The following ELAPOR2 variants were observed in gnomAD, a reference collection of about 807,000 sequenced individuals.
The protein encoded by ELAPOR2 is endosome/lysosome-associated apoptosis and autophagy regulator family member 2.
In ELAPOR2, 89 loss-of-function variants were observed where a neutral mutation model predicts 120.7. That is an observed-to-expected ratio of 0.74 (90% CI 0.62 to 0.88). The LOEUF is 0.88. ELAPOR2 is among the 40% of genes least tolerant of loss of function. The probability of loss-of-function intolerance (pLI) is 0.00; values close to 1 mark genes in which losing one functional copy is unlikely to be tolerated. For synonymous variants in ELAPOR2, 444 were observed against 444.9 expected (o/e 1.00, Z 0.03); for missense variants, 1,134 against 1,251.6 (o/e 0.91, Z 1.42).
chr7:86,924,057 T>C (rs969692927), intron 10 of ELAPOR2, among the ~76,000 whole-genome samples: 3 of 151,980 alleles, frequency 2.0e-5, no homozygotes, highest in Admixed American at 6.6e-5. Flanking sequence ...TGCCTCTCCA[T>C]TTCACCCTCG....
intron 1 of ELAPOR2, among the ~76,000 whole-genome samples, chr7:86,975,279 T>C (rs985446723): frequency 6.6e-6 from 1 of 152,168 alleles, no homozygotes; most frequent in Non-Finnish European, 1.5e-5. Flanking sequence ...CTTTACTTTG[T>C]ACAGAAATAG....
intron 13 of ELAPOR2, among the ~76,000 whole-genome samples, chr7:86,913,571 A>C (rs1333744730): frequency 6.6e-6 from 1 of 152,190 alleles, no homozygotes; most frequent in Non-Finnish European, 1.5e-5. Context: ...GCCTAAATCA[A>C]ATGATACAAT....
chr7:86,972,506 C>G (rs867459838), intron 1 of ELAPOR2, among the ~76,000 whole-genome samples: 1 of 151,046 alleles, frequency 6.6e-6, no homozygotes, highest in Non-Finnish European at 1.5e-5. Flanking sequence ...TTCCCTTCCA[C>G]ATCATGACAA....
chr7:86,971,536 C>T (rs927423875), intron 1 of ELAPOR2, among the ~76,000 whole-genome samples: 2 of 152,182 alleles, frequency 1.3e-5, no homozygotes, highest in Non-Finnish European at 1.5e-5. Context: ...ATAAGACAGA[C>T]TTCAAGCACA....
chr7:86,984,230 A>C (rs1792624406), intron 1 of ELAPOR2, among the ~76,000 whole-genome samples: 1 of 152,172 alleles, frequency 6.6e-6, no homozygotes, highest in Non-Finnish European at 1.5e-5. Flanking sequence ...CCCACACAAT[A>C]ATAATGGGAG....
intron 1 of ELAPOR2, among the ~76,000 whole-genome samples, chr7:87,042,826 G>A (rs1794827612): frequency 6.6e-6 from 1 of 152,086 alleles, no homozygotes; most frequent in African/African-American, 2.4e-5. Flanking sequence ...CCAGGAGCTG[G>A]TTTTTTGAAA....
rs537257640 is a variant in ELAPOR2 at position 86,877,085 on chromosome 7, T to A, written c.*3386A>T. On this transcript the variant is annotated 3_prime_UTR_variant, in exon 22 of 22. Coordinates refer to ENST00000450689, the MANE Select transcript of ELAPOR2 (RefSeq NM_001142749.3). ...TTTACAAAAAAAATGTTTGCTGGGC[T>A]CTGATCTAGACAAGTGTAATCATAA... 15 of 152,292 alleles carry A rather than the reference T, an allele frequency of 9.8e-5. No individual in the cohort carries two copies. Among genetic ancestry groups the A allele is most frequent in the Admixed American group, 9.2e-4 (14 of 15,290 alleles). 9.4% of individuals were successfully genotyped at this position (152,292 alleles called of 1,614,324 possible). A position where few individuals can be genotyped will look rare whatever the true frequency, so the allele number is the denominator to read the frequency against.
chr7:86,927,497 T>C (rs1361168778), intron 8 of ELAPOR2, among the ~76,000 whole-genome samples: 2 of 151,948 alleles, frequency 1.3e-5, no homozygotes, highest in African/African-American at 4.8e-5. Context: ...CAGAGGCTTC[T>C]AGGTCCTGAT....
Position 86,891,760 on chromosome 7 carries a change from CTGTT to C in ELAPOR2, c.2990_2993del (p.Lys997SerfsTer4). ...AAGATTTGAGTTTTCCTAGTAGTGA[CTGTT>C]TATTGGAATATACAACTTCCTCTTC... On this transcript the variant is annotated frameshift_variant, in exon 21 of 22. Coordinates refer to ENST00000450689, the MANE Select transcript of ELAPOR2 (RefSeq NM_001142749.3). LOFTEE classifies it high-confidence loss of function. 6.2e-7 allele frequency: 1 copy of C among 1,611,586 alleles called. No individual in the cohort carries two copies. Among genetic ancestry groups the C allele is most frequent in the Non-Finnish European group, 8.5e-7 (1 of 1,178,564 alleles).
chr7:86,990,602 A>G (rs1792913136), intron 1 of ELAPOR2, among the ~76,000 whole-genome samples: 1 of 152,146 alleles, frequency 6.6e-6, no homozygotes, highest in African/African-American at 2.4e-5. Flanking sequence ...TGAAGAAATG[A>G]TCCTTGTAAA....
intron 1 of ELAPOR2, among the ~76,000 whole-genome samples, chr7:87,055,479 T>A (rs1301960508): frequency 3.9e-5 from 6 of 152,202 alleles, no homozygotes; most frequent in East Asian, 1.9e-4. Flanking sequence ...TCTCATTGCA[T>A]GCTGTACTTC....
intron 21 of ELAPOR2, among the ~76,000 whole-genome samples, chr7:86,888,984 C>T (rs1306020087): frequency 1.3e-5 from 2 of 152,118 alleles, no homozygotes; most frequent in Non-Finnish European, 2.9e-5. Context: ...TCACTAAAAA[C>T]ATGATAACTT....
intron 1 of ELAPOR2, among the ~76,000 whole-genome samples, chr7:87,041,249 G>A (rs1189528620): frequency 6.6e-6 from 1 of 151,924 alleles, no homozygotes; most frequent in Non-Finnish European, 1.5e-5. Context: ...TTCAGATTCA[G>A]GAAATACAGA....
intron 21 of ELAPOR2, chr7:86,891,108 T>C (rs1468954867): frequency 6.6e-6 from 1 of 152,070 alleles, no homozygotes; most frequent in African/African-American, 2.4e-5. Flanking sequence ...AAGCCAGCAA[T>C]ATTTTACCTC....
intron 1 of ELAPOR2, among the ~76,000 whole-genome samples, chr7:86,989,060 G>T (rs541811636): frequency 6.6e-6 from 1 of 152,098 alleles, no homozygotes; most frequent in Non-Finnish European, 1.5e-5. Flanking sequence ...AAATTGCAAA[G>T]ATCCTTCATA....
chr7:86,980,278 T>G (rs908656913), intron 1 of ELAPOR2, among the ~76,000 whole-genome samples: 1 of 152,220 alleles, frequency 6.6e-6, no homozygotes, highest in African/African-American at 2.4e-5. Flanking sequence ...CATCAAACAG[T>G]ATGTGTGAGG....
chr7:87,058,454 T>C (rs918383723), intron 1 of ELAPOR2, among the ~76,000 whole-genome samples: 14 of 152,024 alleles, frequency 9.2e-5, no homozygotes, highest in African/African-American at 3.1e-4. Context: ...TGATTTTCAT[T>C]AAGAGGATGC....
At chr7:86,938,986 T>C (rs774029284) in intron 6 of ELAPOR2, 26 bp from the exon 7 acceptor site, 120 of 1,611,828 alleles carry the variant, frequency 7.4e-5, no homozygotes, top group Non-Finnish European at 9.8e-5. Flanking sequence ...AAACAGAGCA[T>C]GGGAGGGGGA....
intron 21 of ELAPOR2, among the ~76,000 whole-genome samples, chr7:86,883,200 T>C (rs543671865): frequency 6.6e-6 from 1 of 152,220 alleles, no homozygotes; most frequent in Admixed American, 6.5e-5. Context: ...AAGAAACACA[T>C]AAAAATTGAT....
Sources: gnomAD v4.1 joint callset for allele counts (sites outside exome capture counted in the v4.1 genomes callset) on GRCh38, gnomAD v4.1.1 for gene constraint, MANE v1.5 for transcripts, NCBI Gene and HGNC (gene_info 2026-07-23, HGNC 2026-07-21) for gene names.